The following WDR49 variants were observed in gnomAD, a reference collection of about 807,000 sequenced individuals.
The protein encoded by WDR49 is cilia- and flagella-associated protein 337.
A neutral mutation model predicts 119.5 loss-of-function variants in WDR49; 107 were observed. The observed-to-expected ratio is 0.90, with a 90% confidence interval of 0.77 to 1.05. The LOEUF is 1.05. Ranked by LOEUF, WDR49 falls within the 50% of genes least tolerant of loss-of-function variation. The pLI is 0.00. For synonymous variants in WDR49, 425 were observed against 418.8 expected (o/e 1.01, Z -0.18); for missense variants, 1,240 against 1,220.5 (o/e 1.02, Z -0.24).
At chr3:167,594,917 G>A (rs1261208376) in intron 7 of WDR49, among the ~76,000 whole-genome samples, 20 of 150,676 alleles carry the variant, frequency 1.3e-4, no homozygotes, top group Non-Finnish European at 2.4e-4. Flanking sequence ...AGGAAAAGAG[G>A]AAGTCAAATT....
At chr3:167,620,295 C>T (rs958432587) in intron 5 of WDR49, 134 bp downstream of exon 5, 1 of 872,222 alleles carries the variant, frequency 1.1e-6, no homozygotes, top group African/African-American at 1.7e-5. Context: ...ATAGCAGAGT[C>T]CAGGCCACAA....
intron 7 of WDR49, among the ~76,000 whole-genome samples, chr3:167,599,527 G>T (rs1389887540): frequency 6.6e-6 from 1 of 152,194 alleles, no homozygotes; most frequent in African/African-American, 2.4e-5. Context: ...TGCTGTCCAA[G>T]GGCCAACACC....
rs150460664 is a variant in WDR49 at position 167,502,763 on chromosome 3, G to A, written c.2885-2464C>T. ...AGAGCACTCAAGATGTTCCCTGGCTGCTTCTAATAGCCTAGCTTAGATATG... is the reference window on the plus strand; with the variant it reads ...AGAGCACTCAAGATGTTCCCTGGCTACTTCTAATAGCCTAGCTTAGATATG... On this transcript the variant is annotated intron_variant, in intron 17 of 18. Transcript: ENST00000682715. 1.4e-3 allele frequency among the ~76,000 whole-genome samples: 211 copies of A among 152,264 alleles called. No homozygotes were observed. The Middle Eastern group carries it at 0.031, about 22-fold the overall frequency.
chr3:167,536,712 C>CATATATATATATATATATACACACACAT (rs1753045673), intron 11 of WDR49, among the ~76,000 whole-genome samples, 158 bp downstream of exon 11: 2 of 136,896 alleles, frequency 1.5e-5, no homozygotes, highest in Non-Finnish European at 3.1e-5. Flanking sequence ...TATACACACA[C>CATATATATATATATATATACACACACAT]ATATATATAT....
intron 2 of WDR49, among the ~76,000 whole-genome samples, chr3:167,628,821 G>A (rs1031956757): frequency 1.3e-5 from 2 of 152,122 alleles, no homozygotes; most frequent in Non-Finnish European, 2.9e-5. Flanking sequence ...TAGGACTTTC[G>A]TAGCTGAGAG....
chr3:167,513,116 C>A (rs552410609), intron 16 of WDR49, among the ~76,000 whole-genome samples: 73 of 152,250 alleles, frequency 4.8e-4, no homozygotes, highest in Non-Finnish European at 7.2e-4. Flanking sequence ...CAGTAAGATA[C>A]TACATGAAAA....
intron 18 of WDR49, among the ~76,000 whole-genome samples, chr3:167,482,169 G>T (rs916785278): frequency 6.6e-5 from 10 of 152,126 alleles, no homozygotes; most frequent in African/African-American, 2.4e-4. Context: ...AAGGAGAAAA[G>T]TATCTTGCAT....
At chr3:167,528,981 G>T in intron 14 of WDR49, 71 bp downstream of exon 14, 3 of 1,309,366 alleles carry the variant, frequency 2.3e-6, no homozygotes, top group South Asian at 1.8e-5. Flanking sequence ...GACAAGGCTT[G>T]ATTCATAGTT....
chr3:167,635,810 C>T (rs188671351), intron 2 of WDR49, among the ~76,000 whole-genome samples: 48 of 151,702 alleles, frequency 3.2e-4, no homozygotes, highest in African/African-American at 1.1e-3. Context: ...CATCCTTCCA[C>T]CCATTGATCT....
chr3:167,538,878 C>A (rs1711625232), intron 10 of WDR49, among the ~76,000 whole-genome samples: 1 of 152,084 alleles, frequency 6.6e-6, no homozygotes, highest in South Asian at 2.1e-4. Flanking sequence ...AAGGCTAATG[C>A]CCCATTAGAA....
intron 3 of WDR49, among the ~76,000 whole-genome samples, chr3:167,625,612 T>C (rs1462812151): frequency 6.6e-6 from 1 of 152,032 alleles, no homozygotes; most frequent in African/African-American, 2.4e-5. Flanking sequence ...TATCATCTTC[T>C]GACCCCTAAA....
chr3:167,623,162 G>C (rs1031508497), intron 3 of WDR49, among the ~76,000 whole-genome samples: 1 of 151,828 alleles, frequency 6.6e-6, no homozygotes, highest in Non-Finnish European at 1.5e-5. Flanking sequence ...TACGGCAAAG[G>C]TAACACCTCC....
chr3:167,620,637 G>A (rs1716823429), intron 4 of WDR49, 34 bp from the exon 5 acceptor site: 1 of 1,499,976 alleles, frequency 6.7e-7, no homozygotes. Flanking sequence ...AACAATCGTG[G>A]ACGGGATATT....
At chr3:167,605,012 TTGTG>T (rs370361855) in intron 5 of WDR49, among the ~76,000 whole-genome samples, 6,750 of 143,356 alleles carry the variant, frequency 0.047, 324 homozygotes, top group African/African-American at 0.13. Flanking sequence ...TTAATTTGCT[TTGTG>T]TGTGTGTGTG....
intron 10 of WDR49, among the ~76,000 whole-genome samples, chr3:167,544,771 T>C (rs534173186): frequency 1.6e-4 from 24 of 151,968 alleles, no homozygotes; most frequent in Middle Eastern, 3.2e-3. Flanking sequence ...CTTGTAGACA[T>C]TGACTTAGGC....
intron 8 of WDR49, among the ~76,000 whole-genome samples, chr3:167,565,380 TACACACACACAC>T (rs112641739): frequency 7.0e-5 from 9 of 129,022 alleles, no homozygotes; most frequent in Admixed American, 2.4e-4. Context: ...CATATCTATC[TACACACACACAC>T]ACACACACAC....
chr3:167,533,386 G>T (rs777674997), intron 11 of WDR49, among the ~76,000 whole-genome samples: 26 of 151,966 alleles, frequency 1.7e-4, no homozygotes, highest in Non-Finnish European at 3.2e-4. Flanking sequence ...ATCTCATAGG[G>T]TTATTGTAGA....
chr3:167,657,048 A>T (rs773783408), upstream of WDR49, among the ~76,000 whole-genome samples: 1 of 152,324 alleles, frequency 6.6e-6, no homozygotes, highest in Non-Finnish European at 1.5e-5. Context: ...CTGTGTCTTT[A>T]TCACAATTCA....
intron 5 of WDR49, among the ~76,000 whole-genome samples, chr3:167,606,479 T>A (rs1716071182): frequency 6.6e-6 from 1 of 152,198 alleles, no homozygotes; most frequent in Admixed American, 6.5e-5. Flanking sequence ...TTTGTGTTAG[T>A]CAATACTCAT....
Sources: gnomAD v4.1 joint callset for allele counts (sites outside exome capture counted in the v4.1 genomes callset) on GRCh38, gnomAD v4.1.1 for gene constraint, MANE v1.5 for transcripts, NCBI Gene and HGNC (gene_info 2026-07-23, HGNC 2026-07-21) for gene names.